The following GCNT1 variants were observed in gnomAD, a reference collection of about 807,000 sequenced individuals.
The protein encoded by GCNT1 is glucosaminyl (N-acetyl) transferase 1, also known as beta-1,3-galactosyl-O-glycosyl-glycoprotein beta-1,6-N-acetylglucosaminyltransferase.
Under a neutral mutation model 26.2 loss-of-function variants are expected in GCNT1, and 16 were observed. The ratio of observed to expected loss-of-function variants is 0.61; its 90% CI spans 0.41 to 0.93. GCNT1 has a LOEUF of 0.93. Ranked by LOEUF, GCNT1 falls within the 40% of genes least tolerant of loss-of-function variation. The pLI is 0.00. For missense variants in GCNT1, 477 were observed against 526.7 expected, an observed-to-expected ratio of 0.91 and a Z score of 0.92; for synonymous variants, 183 against 190.8, an observed-to-expected ratio of 0.96 and a Z score of 0.34.
chr9:76,429,216 T>C (rs1019127324), intron 1 of GCNT1, among the ~76,000 whole-genome samples: 2 of 152,190 alleles, frequency 1.3e-5, no homozygotes, highest in African/African-American at 4.8e-5. Flanking sequence ...AGTCACTTTG[T>C]TCGGTTTTTT....
chr9:76,437,990 T>C (rs1369265468), upstream of GCNT1, among the ~76,000 whole-genome samples: 2 of 152,248 alleles, frequency 1.3e-5, no homozygotes, highest in Admixed American at 6.5e-5. Flanking sequence ...TTGAGTAGTC[T>C]AGTGTTTGGA....
At chr9:76,426,951 G>T (rs1291736768) in intron 1 of GCNT1, among the ~76,000 whole-genome samples, 1 of 152,076 alleles carries the variant, frequency 6.6e-6, no homozygotes, top group Non-Finnish European at 1.5e-5. Context: ...TCATTGTTAT[G>T]GGCTGAGTTG....
intron 2 of GCNT1, among the ~76,000 whole-genome samples, chr9:76,479,757 G>C (rs182330335): frequency 9.2e-5 from 14 of 152,260 alleles, no homozygotes; most frequent in South Asian, 2.1e-4. Flanking sequence ...GATATTAGCC[G>C]TTTGTCAGAT....
intron 2 of GCNT1, among the ~76,000 whole-genome samples, chr9:76,473,366 C>T (rs891375296): frequency 3.3e-5 from 5 of 151,992 alleles, no homozygotes; most frequent in African/African-American, 1.2e-4. Flanking sequence ...AATAGATTCT[C>T]AGTATAGAAT....
At chr9:76,413,668 G>GTTTTTTTTTTTTTTTT in the GCNT1 span, among the ~76,000 whole-genome samples, 34 of 84,184 alleles carry the variant, frequency 4.0e-4, no homozygotes, top group East Asian at 2.2e-3. Context: ...TTTTTTTTTT[G>GTTTTTTTTTTTTTTTT]TTTTTTTTTT....
intron 1 of GCNT1, among the ~76,000 whole-genome samples, chr9:76,443,125 G>C (rs1207824483): frequency 6.6e-6 from 1 of 152,140 alleles, no homozygotes; most frequent in Non-Finnish European, 1.5e-5. Flanking sequence ...AATTTGGGAG[G>C]CCAAGGCAGG....
At chr9:76,497,116 G>A (rs1195046073) in intron 2 of GCNT1, among the ~76,000 whole-genome samples, 1 of 152,202 alleles carries the variant, frequency 6.6e-6, no homozygotes, top group Non-Finnish European at 1.5e-5. Flanking sequence ...TCTTCAGTGA[G>A]TATGCTTCCT....
chr9:76,402,937 C>T, the GCNT1 span, among the ~76,000 whole-genome samples: 1 of 152,150 alleles, frequency 6.6e-6, no homozygotes, highest in East Asian at 1.9e-4. Context: ...CTCGGCCTCC[C>T]AGAGTGCTGG....
chr9:76,468,434 T>G (rs1824055845), intron 2 of GCNT1, among the ~76,000 whole-genome samples: 1 of 152,216 alleles, frequency 6.6e-6, no homozygotes, highest in Non-Finnish European at 1.5e-5. Context: ...ACTGAGATAC[T>G]GCATTTCTCT....
At chr9:76,405,052 C>T in the GCNT1 span, among the ~76,000 whole-genome samples, 4 of 151,924 alleles carry the variant, frequency 2.6e-5, no homozygotes, top group Non-Finnish European at 4.4e-5. Context: ...CTCCTGGCCT[C>T]AGATGATCTG....
intron 1 of GCNT1, among the ~76,000 whole-genome samples, chr9:76,445,772 C>A (rs1328787205): frequency 6.6e-6 from 1 of 151,520 alleles, no homozygotes; most frequent in East Asian, 2.0e-4. Context: ...GTCAGGAGTT[C>A]GGGACCAGCC....
intron 2 of GCNT1, among the ~76,000 whole-genome samples, chr9:76,462,745 C>T (rs1823901203): frequency 6.6e-6 from 1 of 152,158 alleles, no homozygotes; most frequent in Non-Finnish European, 1.5e-5. Context: ...CTTGAAACAC[C>T]TTTATCATAA....
At chr9:76,462,220 G>C (rs1019392502) in intron 2 of GCNT1, among the ~76,000 whole-genome samples, 2 of 151,656 alleles carry the variant, frequency 1.3e-5, no homozygotes, top group African/African-American at 4.9e-5. Flanking sequence ...TGTATTCATG[G>C]TTCCAGGTCA....
intron 2 of GCNT1, among the ~76,000 whole-genome samples, chr9:76,467,819 TGAAAG>T (rs895322037): frequency 6.6e-6 from 1 of 151,384 alleles, no homozygotes; most frequent in Admixed American, 6.6e-5. Flanking sequence ...TTGGGGGTGT[TGAAAG>T]GAAGTGTAAG....
chr9:76,428,695 T>C (rs942505610), intron 1 of GCNT1, among the ~76,000 whole-genome samples: 13 of 131,250 alleles, frequency 9.9e-5, no homozygotes, highest in African/African-American at 3.4e-4. Flanking sequence ...CTGTTGCGTA[T>C]TCTATTTTTT....
Position 76,434,516 on chromosome 9 carries a change from C to G in GCNT1, n.38+14629C>G, listed in dbSNP as rs546723631. Among the ~76,000 whole-genome samples the G allele has an allele frequency of 4.6e-5, 7 of 152,244 alleles. No individual in the cohort carries two copies. The South Asian group carries it at 1.2e-3, about 27-fold the overall frequency. ...CTGCGGATGTATGTCACCTCAGGAC[C>G]CTGTGATGATTGTGTTAACTGTACA... is the stretch of plus-strand genomic sequence containing the variant. On this transcript the variant is annotated intron_variant and non_coding_transcript_variant, in intron 1 of 3. Transcript: ENST00000488136.
chr9:76,447,171 A>AG (rs1297893302), intron 1 of GCNT1, among the ~76,000 whole-genome samples: 2 of 150,548 alleles, frequency 1.3e-5, no homozygotes, highest in Non-Finnish European at 3.0e-5. Flanking sequence ...AAAAAAAAAA[A>AG]AAAAAAAAAG....
At chr9:76,497,709 T>C (rs1248527987) in intron 2 of GCNT1, among the ~76,000 whole-genome samples, 1 of 152,210 alleles carries the variant, frequency 6.6e-6, no homozygotes, top group Non-Finnish European at 1.5e-5. Context: ...CCCTTTCATG[T>C]ACCCACATTC....
At chr9:76,455,911 G>A (rs973018869), upstream of GCNT1, among the ~76,000 whole-genome samples, 3 of 152,120 alleles carry the variant, frequency 2.0e-5, no homozygotes, top group Non-Finnish European at 4.4e-5. Flanking sequence ...CCTCTGTCCC[G>A]TTATTTGATT....
Sources: gnomAD v4.1 joint callset for allele counts (sites outside exome capture counted in the v4.1 genomes callset) on GRCh38, gnomAD v4.1.1 for gene constraint, MANE v1.5 for transcripts, NCBI Gene and HGNC (gene_info 2026-07-23, HGNC 2026-07-21) for gene names.